The following SIL1 variants were observed in gnomAD, a reference collection of about 807,000 sequenced individuals.
The protein encoded by SIL1 is nucleotide exchange factor SIL1.
In SIL1, 40 loss-of-function variants were observed where a neutral mutation model predicts 49.1. That is an observed-to-expected ratio of 0.81 (90% CI 0.63 to 1.06). The LOEUF (loss-of-function observed/expected upper bound fraction) is 1.06. Among genes scored for constraint, SIL1 ranks in the 50% least tolerant of loss-of-function variants. The pLI is 0.00. For synonymous variants in SIL1, 253 were observed against 250.8 expected (o/e 1.01, Z -0.08); for missense variants, 500 against 572.6 (o/e 0.87, Z 1.29).
At chr5:139,054,462 G>A (rs1296803933) in intron 3 of SIL1, among the ~76,000 whole-genome samples, 1 of 152,054 alleles carries the variant, frequency 6.6e-6, no homozygotes, top group Non-Finnish European at 1.5e-5. Context: ...AAAAGAAAGA[G>A]GGAATTCCTA....
At chr5:138,978,896 T>C (rs749598133) in intron 7 of SIL1, among the ~76,000 whole-genome samples, 1 of 152,306 alleles carries the variant, frequency 6.6e-6, no homozygotes, top group Middle Eastern at 3.4e-3. Context: ...GTAGGAGTTT[T>C]TAATTACGTT....
At position 138,951,857 on chromosome 5, in the gene SIL1, G is replaced by A. The variant is rs746589509; in HGVS notation, c.795C>T (p.Ile265=). ...SSNPKVQVEA[I]EGGALQKLLV... ...GCAGCTTCTGCAGGGCTCCCCCTTC[G>A]ATGGCCTCCACCTGGACCTTGGGGT... Residue 265 remains isoleucine (I), a synonymous_variant, in exon 8 of 10, where the codon ATC becomes ATT. Transcript: ENST00000394817. 24 of 1,613,838 alleles carry A rather than the reference G, an allele frequency of 1.5e-5. No individual in the cohort carries two copies. The highest frequency in any genetic ancestry group is 1.6e-4 in the Middle Eastern group (1 of 6,084).
In SIL1 at chr5:139,110,795, G is replaced by A. The variant is rs530835628; in HGVS notation, c.244+10240C>T. Among the ~76,000 whole-genome samples the A allele has an allele frequency of 1.4e-4, 22 of 152,374 alleles. No homozygotes were observed. The East Asian group carries it at 4.0e-3, about 28-fold the overall frequency. On this transcript the variant is annotated intron_variant, in intron 3 of 9. Transcript: ENST00000394817. ...TGATGTTCCCTGTCTTCAGAAGAGG[G>A]AAGGTTGGAGCAGGTTCAGAGGAGC...
intron 1 of SIL1, among the ~76,000 whole-genome samples, chr5:139,179,799 A>G (rs1201826157): frequency 1.3e-5 from 2 of 152,158 alleles, no homozygotes; most frequent in African/African-American, 2.4e-5. Context: ...GCTCATACCT[A>G]TAATCCCAAC....
intron 3 of SIL1, among the ~76,000 whole-genome samples, chr5:139,100,922 T>C (rs926779940): frequency 3.4e-5 from 5 of 145,936 alleles, no homozygotes; most frequent in African/African-American, 1.0e-4. Flanking sequence ...AGGTTGGAGA[T>C]AAAAAAAAAA....
chr5:138,982,029 A>C (rs1347213812), intron 7 of SIL1, among the ~76,000 whole-genome samples: 1 of 152,208 alleles, frequency 6.6e-6, no homozygotes, highest in Admixed American at 6.5e-5. Flanking sequence ...TCTTTACTCC[A>C]TAACAGTACT....
At chr5:139,116,317 T>G (rs997588011) in intron 3 of SIL1, among the ~76,000 whole-genome samples, 5 of 152,134 alleles carry the variant, frequency 3.3e-5, no homozygotes, top group Non-Finnish European at 7.3e-5. Context: ...TTTCTTTTTC[T>G]TTTTTTTCCC....
intron 7 of SIL1, among the ~76,000 whole-genome samples, chr5:139,014,854 A>G (rs938424703): frequency 2.6e-5 from 4 of 152,180 alleles, no homozygotes; most frequent in Non-Finnish European, 4.4e-5. Flanking sequence ...TACTAGAGAC[A>G]AGAGGTCAGA....
Position 139,004,959 on chromosome 5 carries a change from T to C in SIL1, c.767+16212A>G, listed in dbSNP as rs376927711. ...ACTTACCAAGGGCTGGGGTAAAAGA[T>C]AGGATGTCGGGCCAGGTTGCTGGGG... On this transcript the variant is annotated intron_variant, in intron 7 of 9. Coordinates refer to ENST00000394817, the MANE Select transcript of SIL1 (RefSeq NM_022464.5). Among the ~76,000 whole-genome samples the C allele has an allele frequency of 7.2e-5, 11 of 152,240 alleles. 2 individuals carry two copies. Among genetic ancestry groups the C allele is most frequent in the Admixed American group, 2.6e-4 (4 of 15,284 alleles).
chr5:139,169,571 T>C (rs1751694331), intron 1 of SIL1, among the ~76,000 whole-genome samples: 1 of 150,516 alleles, frequency 6.6e-6, no homozygotes, highest in Non-Finnish European at 1.5e-5. Flanking sequence ...AACCTCCGCC[T>C]CCTGGGTTTA....
intron 5 of SIL1, among the ~76,000 whole-genome samples, chr5:139,029,654 A>T (rs186639954): frequency 2.0e-3 from 299 of 151,736 alleles, no homozygotes; most frequent in African/African-American, 6.9e-3. Context: ...ACAAGTCACC[A>T]CGCCTGGCTA....
chr5:139,085,593 A>G (rs1052141600), intron 3 of SIL1, among the ~76,000 whole-genome samples: 2 of 152,166 alleles, frequency 1.3e-5, no homozygotes, highest in African/African-American at 2.4e-5. Context: ...AAAGGAAGGA[A>G]GGAGATGCCC....
At chr5:139,142,061 T>C (rs1458596167) in intron 1 of SIL1, among the ~76,000 whole-genome samples, 2 of 152,200 alleles carry the variant, frequency 1.3e-5, no homozygotes, top group African/African-American at 4.8e-5. Flanking sequence ...CCAGGCTGCA[T>C]AATCAGAATG....
chr5:139,085,322 T>C (rs1335667850), intron 3 of SIL1, among the ~76,000 whole-genome samples: 2 of 152,088 alleles, frequency 1.3e-5, no homozygotes, highest in East Asian at 3.8e-4. Context: ...GGTTGAGAAG[T>C]TGGATCTTAA....
At chr5:139,124,516 A>G (rs1319041772) in intron 2 of SIL1, among the ~76,000 whole-genome samples, 1 of 152,170 alleles carries the variant, frequency 6.6e-6, no homozygotes. Context: ...TCCCCTATCT[A>G]TGCTTACCCT....
chr5:139,098,809 C>T (rs1259114183), intron 3 of SIL1, among the ~76,000 whole-genome samples: 2 of 89,086 alleles, frequency 2.2e-5, no homozygotes, highest in Admixed American at 1.6e-4. Context: ...TTTTCTTACT[C>T]TTTTTTTTTT....
chr5:139,144,625 C>T (rs1561879302), intron 1 of SIL1, among the ~76,000 whole-genome samples: 3 of 152,150 alleles, frequency 2.0e-5, no homozygotes, highest in Non-Finnish European at 4.4e-5. Flanking sequence ...AATCCCAGCA[C>T]TTTGGGAGGC....
chr5:139,123,715 T>C (rs1032329736), intron 2 of SIL1, among the ~76,000 whole-genome samples: 3 of 152,042 alleles, frequency 2.0e-5, no homozygotes, highest in Non-Finnish European at 4.4e-5. Flanking sequence ...GTGTAAACAA[T>C]AGGGAGTGGT....
chr5:139,127,781 C>T lies in SIL1; in HGVS notation c.63G>A (p.Leu21=). Residue 21 remains leucine (L), a synonymous_variant, in exon 2 of 10, where the codon CTG becomes CTA. Coordinates refer to ENST00000394817, the MANE Select transcript of SIL1 (RefSeq NM_022464.5). ...MAPLGMLLGL[L]MAACFTFCLS... is the part of the protein sequence containing the mutation. ...GGCAGAAGGTGAAGCAGGCGGCCAT[C>T]AGCAGCCCAAGCAGCATGCCCAGAG... 6.2e-7 allele frequency: 1 copy of T among 1,611,120 alleles called. No individual in the cohort carries two copies. Among genetic ancestry groups the T allele is most frequent in the Non-Finnish European group, 8.5e-7 (1 of 1,179,444 alleles).
Sources: allele counts gnomAD v4.1 joint callset (sites outside exome capture counted in the v4.1 genomes callset), GRCh38; gene constraint gnomAD v4.1.1; transcripts MANE v1.5; gene names NCBI Gene and HGNC (gene_info 2026-07-23, HGNC 2026-07-21).